CADM2: variants seen among roughly 807,000 people sequenced by gnomAD.
CADM2 encodes cell adhesion molecule 2, also known as immunoglobulin superfamily member 4D.
CADM2 carries 12 observed loss-of-function variants against 49.8 expected under a neutral mutation model. The observed-to-expected ratio is 0.24, with a 90% CI of 0.15 to 0.39. The LOEUF (loss-of-function observed/expected upper bound fraction) is 0.39. Among genes scored for constraint, CADM2 ranks in the 10% least tolerant of loss-of-function variants. The probability of loss-of-function intolerance (pLI) is 1.00; values close to 1 mark genes in which losing one functional copy is unlikely to be tolerated. For missense variants in CADM2, 378 were observed against 492.3 expected (o/e 0.77, Z 2.20); for synonymous variants, 214 against 175.4 (o/e 1.22, Z -1.74).
At chr3:85,428,753 A>C (rs988673457) in intron 1 of CADM2, among the ~76,000 whole-genome samples, 1 of 150,016 alleles carries the variant, frequency 6.7e-6, no homozygotes, top group Non-Finnish European at 1.5e-5. Flanking sequence ...ATTATGTAAA[A>C]TTAATTGAAA....
intron 1 of CADM2, among the ~76,000 whole-genome samples, chr3:85,398,445 G>A (rs905989540): frequency 6.6e-6 from 1 of 152,122 alleles, no homozygotes; most frequent in Non-Finnish European, 1.5e-5. Context: ...TTGTTATTGT[G>A]AATAGTGCCG....
intron 1 of CADM2, among the ~76,000 whole-genome samples, chr3:85,380,726 TTCC>T (rs1576451976): frequency 6.6e-6 from 1 of 151,754 alleles, no homozygotes; most frequent in East Asian, 1.9e-4. Context: ...AATAATTTGT[TTCC>T]TCAATTCTAA....
At chr3:85,664,086 G>T (rs566027924) in intron 1 of CADM2, among the ~76,000 whole-genome samples, 3 of 151,942 alleles carry the variant, frequency 2.0e-5, no homozygotes, top group African/African-American at 7.2e-5. Context: ...CTCATAGGAT[G>T]ATTCTCTTCT....
rs1015877012 is a variant in CADM2, at chr3:86,072,303, TTATATA to T, written c.*5527_*5532del. 4 of 151,232 alleles carry T rather than the reference TTATATA, an allele frequency of 2.6e-5. No individual in the cohort carries two copies. Among genetic ancestry groups the T allele is most frequent in the African/African-American group, 9.7e-5 (4 of 41,214 alleles). The allele number at this position is 151,232 out of a possible 1,614,324, so 9.4% of individuals were successfully genotyped here. A position where few individuals can be genotyped will look rare whatever the true frequency, so the allele number is the denominator to read the frequency against. On this transcript the variant is annotated 3_prime_UTR_variant, in exon 10 of 10. Transcript: ENST00000383699. ...TTATATGCATATATATATCAAGAAGTTATATATATATAACTCAAGAAACTCAAGTTA... is the reference window on the plus strand; with the variant it reads ...TTATATGCATATATATATCAAGAAGTTATATAACTCAAGAAACTCAAGTTA...
At chr3:85,946,138 GACAA>G (rs1379278172) in intron 7 of CADM2, among the ~76,000 whole-genome samples, 24 of 151,926 alleles carry the variant, frequency 1.6e-4, no homozygotes, top group African/African-American at 5.6e-4. Flanking sequence ...ACCAATAACA[GACAA>G]ACAGAGAGCC....
intron 7 of CADM2, among the ~76,000 whole-genome samples, chr3:85,936,983 A>T (rs1175224523): frequency 6.6e-6 from 1 of 151,882 alleles, no homozygotes; most frequent in African/African-American, 2.4e-5. Flanking sequence ...AATTTATGCA[A>T]TTAAACAAGG....
chr3:84,985,491 G>T (rs569901759), intron 1 of CADM2, among the ~76,000 whole-genome samples: 3 of 151,860 alleles, frequency 2.0e-5, no homozygotes, highest in African/African-American at 7.3e-5. Context: ...ACAAAATTTT[G>T]GTTTGTACTT....
intron 1 of CADM2, among the ~76,000 whole-genome samples, chr3:85,640,507 G>C (rs1034628614): frequency 6.6e-6 from 1 of 152,186 alleles, no homozygotes; most frequent in Admixed American, 6.5e-5. Flanking sequence ...TGGAGAGGTG[G>C]AGTTAGTATT....
chr3:85,888,265 G>C (rs1210340210), intron 5 of CADM2, among the ~76,000 whole-genome samples: 1 of 152,088 alleles, frequency 6.6e-6, no homozygotes, highest in East Asian at 1.9e-4. Context: ...GTAGCTGCAT[G>C]ACAAACCCAT....
At chr3:85,422,325 T>C (rs1390117885) in intron 1 of CADM2, among the ~76,000 whole-genome samples, 3 of 152,188 alleles carry the variant, frequency 2.0e-5, no homozygotes, top group Non-Finnish European at 4.4e-5. Context: ...TCGCCCAGGC[T>C]GGAGTGCAGT....
chr3:85,525,677 A>G (rs2106922462), intron 1 of CADM2, among the ~76,000 whole-genome samples: 1 of 152,000 alleles, frequency 6.6e-6, no homozygotes, highest in South Asian at 2.1e-4. Flanking sequence ...GGTTAAGTTT[A>G]TCATCTTCTT....
chr3:85,794,424 A>C (rs1559661819), intron 2 of CADM2, among the ~76,000 whole-genome samples: 1 of 152,202 alleles, frequency 6.6e-6, no homozygotes. Context: ...AAGATAAGTA[A>C]GATGTCTCAG....
chr3:85,971,766 T>TA (rs1184858260), intron 8 of CADM2, among the ~76,000 whole-genome samples: 1 of 151,666 alleles, frequency 6.6e-6, no homozygotes, highest in Non-Finnish European at 1.5e-5. Flanking sequence ...GTTTGGAATG[T>TA]AAAAAAGTAT....
chr3:86,010,259 A>C (rs1731334476), intron 8 of CADM2, among the ~76,000 whole-genome samples: 1 of 152,020 alleles, frequency 6.6e-6, no homozygotes, highest in East Asian at 1.9e-4. Context: ...AGTAGATCTG[A>C]TAGATGTACA....
At chr3:85,357,711 C>T (rs983355939) in intron 1 of CADM2, among the ~76,000 whole-genome samples, 3 of 151,980 alleles carry the variant, frequency 2.0e-5, no homozygotes, top group Admixed American at 2.0e-4. Context: ...CATTTCAGGG[C>T]CTGGAAGGTA....
chr3:86,001,549 A>G (rs1730195492), intron 8 of CADM2, among the ~76,000 whole-genome samples: 1 of 152,146 alleles, frequency 6.6e-6, no homozygotes, highest in African/African-American at 2.4e-5. Flanking sequence ...GGAAGAAACC[A>G]AGGCTTCTAG....
intron 2 of CADM2, among the ~76,000 whole-genome samples, chr3:85,756,487 C>A (rs1232233177): frequency 2.0e-5 from 3 of 152,174 alleles, no homozygotes; most frequent in East Asian, 3.9e-4. Flanking sequence ...TTTTATTTGA[C>A]ATTGTCAGTT....
chr3:85,882,769 T>G (rs1713002067), intron 3 of CADM2, among the ~76,000 whole-genome samples: 1 of 152,152 alleles, frequency 6.6e-6, no homozygotes, highest in South Asian at 2.1e-4. Flanking sequence ...CAGAGCAAAT[T>G]TAAAAGCCAG....
intron 1 of CADM2, among the ~76,000 whole-genome samples, chr3:85,453,434 C>T (rs1003568309): frequency 6.6e-6 from 1 of 152,004 alleles, no homozygotes; most frequent in African/African-American, 2.4e-5. Context: ...TGACAAGAGA[C>T]CCTCTTCAAT....
Sources: gnomAD v4.1 joint callset for allele counts (sites outside exome capture counted in the v4.1 genomes callset) on GRCh38, gnomAD v4.1.1 for gene constraint, MANE v1.5 for transcripts, NCBI Gene and HGNC (gene_info 2026-07-23, HGNC 2026-07-21) for gene names.